The following TEAD1 variants were observed in gnomAD, a reference collection of about 807,000 sequenced individuals.
TEAD1 encodes the protein TEA domain transcription factor 1.
In TEAD1, 9 loss-of-function variants were observed where a neutral mutation model predicts 54.9. The ratio of observed to expected loss-of-function variants is 0.16; its 90% CI spans 0.10 to 0.29. The LOEUF is 0.29. TEAD1 is among the 10% of genes least tolerant of loss of function. TEAD1 has a pLI of 1.00. For missense variants in TEAD1, 387 were observed against 535.9 expected (o/e 0.72, Z 2.74); for synonymous variants, 200 against 187.8 (o/e 1.07, Z -0.53).
chr11:12,840,938 A>G (rs1947025952), intron 3 of TEAD1, among the ~76,000 whole-genome samples: 1 of 152,220 alleles, frequency 6.6e-6, no homozygotes, highest in African/African-American at 2.4e-5. Context: ...TTCCCAAGCC[A>G]GACCTGTCTG....
intron 9 of TEAD1, among the ~76,000 whole-genome samples, chr11:12,888,226 T>C (rs1380232493): frequency 1.3e-5 from 2 of 152,186 alleles, no homozygotes; most frequent in Non-Finnish European, 1.5e-5. Flanking sequence ...ACATGATTGC[T>C]GGCTGGGTGT....
chr11:12,760,541 T>A (rs1026127304), intron 2 of TEAD1, among the ~76,000 whole-genome samples: 3 of 152,202 alleles, frequency 2.0e-5, no homozygotes, highest in African/African-American at 7.2e-5. Flanking sequence ...AGCTGACTCC[T>A]TCACTTAAAG....
intron 9 of TEAD1, among the ~76,000 whole-genome samples, chr11:12,895,464 G>C (rs992497927): frequency 1.3e-5 from 2 of 152,188 alleles, no homozygotes; most frequent in African/African-American, 2.4e-5. Flanking sequence ...AAGCGTCCCA[G>C]CTCCTGTCCA....
intron 3 of TEAD1, among the ~76,000 whole-genome samples, chr11:12,792,294 G>A (rs1945819500): frequency 6.6e-6 from 1 of 151,396 alleles, no homozygotes; most frequent in African/African-American, 2.4e-5. Flanking sequence ...CAAATGCTTG[G>A]GGGTGAGAAG....
intron 10 of TEAD1, among the ~76,000 whole-genome samples, chr11:12,907,235 G>A (rs1324601444): frequency 6.6e-6 from 1 of 152,208 alleles, no homozygotes; most frequent in East Asian, 1.9e-4. Context: ...CAGGGTGTGT[G>A]TAACGTATGC....
At chr11:12,749,006 G>A (rs904576040) in intron 2 of TEAD1, among the ~76,000 whole-genome samples, 1 of 152,182 alleles carries the variant, frequency 6.6e-6, no homozygotes, top group African/African-American at 2.4e-5. Context: ...AGAGGAGGCG[G>A]TGGGATTCTC....
rs574413639 is a variant in TEAD1, at chr11:12,922,662, C to T, written c.874-2250C>T. On this transcript the variant is annotated intron_variant, in intron 10 of 12. Coordinates refer to ENST00000527636, the MANE Select transcript of TEAD1 (RefSeq NM_021961.6). Reference sequence around the variant, plus strand: ...TGCCAAATCTGGAGCAATACGGTGCCTCACACCCGTAATCTCAGCACTTAG... The same window carrying T: ...TGCCAAATCTGGAGCAATACGGTGCTTCACACCCGTAATCTCAGCACTTAG... The T allele has an allele frequency of 3.3e-5, 5 of 152,156 alleles. No homozygotes were observed. The East Asian group carries it at 9.7e-4, about 29-fold the overall frequency. The allele number at this position is 152,156 out of a possible 1,614,324, so 9.4% of individuals were successfully genotyped here.
intron 3 of TEAD1, among the ~76,000 whole-genome samples, chr11:12,839,829 C>T (rs1946986412): frequency 6.6e-6 from 1 of 151,960 alleles, no homozygotes; most frequent in Non-Finnish European, 1.5e-5. Context: ...GATAGAAAGC[C>T]CACATTGAAG....
rs1425954177 is a variant in TEAD1 at position 12,719,136 on chromosome 11, CTTGGG to C, written c.-55+43577_-55+43581del. On this transcript the variant is annotated intron_variant, in intron 2 of 12. Transcript: ENST00000527636. ...AATCAGGACAGGACTCAAGTCCTGG[CTTGGG>C]TCATTCCCAAGCCCCCTCCTCCGCA... Among the ~76,000 whole-genome samples the C allele has an allele frequency of 3.5e-4, 54 of 152,126 alleles. 1 individual carries two copies. Among genetic ancestry groups the C allele is most frequent in the Non-Finnish European group, 6.0e-4 (41 of 67,998 alleles).
chr11:12,712,738 T>C (rs751916857), intron 2 of TEAD1, among the ~76,000 whole-genome samples: 2 of 152,182 alleles, frequency 1.3e-5, no homozygotes, highest in Non-Finnish European at 2.9e-5. Flanking sequence ...ACCAGACTTT[T>C]ATCTGGGTGA....
chr11:12,937,098 TA>T lies in TEAD1; in HGVS notation c.1168-10del, dbSNP rs746179894. The T allele has an allele frequency of 1.1e-5, 18 of 1,590,960 alleles. No homozygotes were observed. Among genetic ancestry groups the T allele is most frequent in the Middle Eastern group, 1.8e-4 (1 of 5,568 alleles). The stretch of plus-strand genomic sequence containing the variant: ...CTTTTGGTATTATATACTTTTTTTT[TA>T]TCTTAACAGGTGGTAACAAACAGGG... On this transcript the variant is annotated splice_polypyrimidine_tract_variant and intron_variant, in intron 12 of 12. Transcript: ENST00000527636.
intron 2 of TEAD1, among the ~76,000 whole-genome samples, chr11:12,722,666 A>G (rs914437862): frequency 6.9e-6 from 1 of 144,458 alleles, no homozygotes. Context: ...TTTTTTTTTC[A>G]CAAAAATACA....
chr11:12,881,133 T>C (rs1302350028), intron 7 of TEAD1, 82 bp downstream of exon 7: 5 of 1,473,884 alleles, frequency 3.4e-6, no homozygotes, highest in Non-Finnish European at 4.7e-6. Context: ...GACCATAGTG[T>C]CTCAGGGCCT....
intron 2 of TEAD1, among the ~76,000 whole-genome samples, chr11:12,738,958 TG>T (rs1944591490): frequency 6.6e-6 from 1 of 152,174 alleles, no homozygotes; most frequent in African/African-American, 2.4e-5. Flanking sequence ...TATAAGGGCA[TG>T]GTGCTGTGGA....
At chr11:12,814,777 CTGTGTGTGTGTGTGTGTGTGTGTG>C (rs397842274) in intron 3 of TEAD1, among the ~76,000 whole-genome samples, 2,154 of 106,236 alleles carry the variant, frequency 0.02, 72 homozygotes, top group African/African-American at 0.063. Context: ...TCGCAGAGCT[CTGTGTGTGTGTGTGTGTGTGTGTG>C]TGTGTGTGTG....
chr11:12,915,539 G>A (rs1332956003), intron 10 of TEAD1, among the ~76,000 whole-genome samples: 2 of 152,226 alleles, frequency 1.3e-5, no homozygotes, highest in African/African-American at 2.4e-5. Flanking sequence ...GCAAAAACAT[G>A]AAATTTAAAC....
At chr11:12,681,299 T>C (rs769997222) in intron 2 of TEAD1, among the ~76,000 whole-genome samples, 1 of 152,264 alleles carries the variant, frequency 6.6e-6, no homozygotes, top group African/African-American at 2.4e-5. Flanking sequence ...AGTTTGATAC[T>C]GTTTTTAAAT....
chr11:12,934,572 T>TA (rs544252673), intron 12 of TEAD1, among the ~76,000 whole-genome samples: 3,636 of 141,826 alleles, frequency 0.026, 144 homozygotes, highest in African/African-American at 0.086. Flanking sequence ...AAGCTAAACT[T>TA]AAAAAAAAAA....
rs117381770 is a variant in TEAD1, at chr11:12,714,414, C to T, written c.-55+38853C>T. The stretch of plus-strand genomic sequence containing the variant: ...CTTTTGGCTTTTCTTTTTTTTGAGA[C>T]GGGGTCTCATTCTGTTGCCCAGGCT... On this transcript the variant is annotated intron_variant, in intron 2 of 12. Transcript: ENST00000527636. 3.4e-3 allele frequency among the ~76,000 whole-genome samples: 511 copies of T among 152,070 alleles called. 16 individuals carry two copies. The East Asian group carries it at 0.064, about 19-fold the overall frequency.
Sources: allele counts gnomAD v4.1 joint callset (sites outside exome capture counted in the v4.1 genomes callset), GRCh38; gene constraint gnomAD v4.1.1; transcripts MANE v1.5; gene names NCBI Gene and HGNC (gene_info 2026-07-23, HGNC 2026-07-21).